PADI2: variants seen among roughly 807,000 people sequenced by gnomAD.
PADI2 encodes peptidyl arginine deiminase 2.
PADI2 carries 70 observed loss-of-function variants against 81.1 expected under a neutral mutation model. That is an observed-to-expected ratio of 0.86 (90% CI 0.71 to 1.05). The LOEUF (loss-of-function observed/expected upper bound fraction) is 1.05, where lower values mean the gene tolerates loss of function less well. PADI2 is among the 50% of genes least tolerant of loss of function. The pLI, the probability that PADI2 is intolerant of heterozygous loss-of-function variation, is 0.00. For missense variants in PADI2, 853 were observed against 889.9 expected (o/e 0.96, Z 0.53); for synonymous variants, 338 against 358.0 (o/e 0.94, Z 0.63).
In PADI2 at chr1:17,084,678, T is replaced by G. The variant is rs977382082; in HGVS notation, c.859A>C (p.Thr287Pro). The G allele has an allele frequency of 6.4e-7, 1 of 1,561,572 alleles. No individual in the cohort carries two copies. Among genetic ancestry groups the G allele is most frequent in the South Asian group, 1.2e-5 (1 of 84,594 alleles). ...GCAATCCGGAATATCACGGTGTCCG[T>G]GAAGATGGGAGTCAGGGGAATGTCC... Reference protein sequence around the residue: ...AQDIPLTPIFTDTVIFRIAPW... With the variant: ...AQDIPLTPIFPDTVIFRIAPW... The change falls in exon 8 of 16, where the codon ACG (threonine) becomes CCG (proline). Residue 287 changes from threonine to proline, a missense_variant. Physicochemically the swap from Thr to Pro is conservative, Grantham distance 38. Coordinates refer to ENST00000375486, the MANE Select transcript of PADI2 (RefSeq NM_007365.3).
At chr1:17,102,390 G>C (rs1013166125) in intron 3 of PADI2, among the ~76,000 whole-genome samples, 6 of 152,202 alleles carry the variant, frequency 3.9e-5, no homozygotes, top group African/African-American at 1.4e-4. Context: ...ATGCAATGGA[G>C]AGAACCTGAG....
intron 12 of PADI2, 32 bp downstream of exon 12, chr1:17,075,647 C>G: frequency 1.3e-6 from 2 of 1,594,556 alleles, no homozygotes; most frequent in Non-Finnish European, 1.7e-6. Flanking sequence ...TGCTGCTACC[C>G]CATTCACTCC....
At chr1:17,100,323 C>T (rs1301751748) in intron 3 of PADI2, among the ~76,000 whole-genome samples, 55 of 152,174 alleles carry the variant, frequency 3.6e-4, no homozygotes, top group Admixed American at 1.2e-3. Context: ...CTCATTCTGT[C>T]GCCGAGGCTG....
At chr1:17,071,564 C>A in intron 13 of PADI2, 73 bp from the exon 14 acceptor site, 1 of 1,209,950 alleles carries the variant, frequency 8.3e-7, no homozygotes, top group South Asian at 1.2e-5. Flanking sequence ...TTGCCAAGAT[C>A]CTCCAGGCCT....
Position 17,074,863 on chromosome 1 carries a change from C to A in PADI2, c.1542G>T (p.Met514Ile), listed in dbSNP as rs768748616. Reference protein sequence around the residue: ...KQKDGHGEAIMFKGLGGMSSK... With the variant: ...KQKDGHGEAIIFKGLGGMSSK... Reference sequence around the variant, plus strand: ...GGCCCTGTGGCCACTCACCTTTGAACATGATGGCCTCTCCATGGCCGTCCT... The same window carrying A: ...GGCCCTGTGGCCACTCACCTTTGAAAATGATGGCCTCTCCATGGCCGTCCT... Residue 514 changes from methionine to isoleucine, a missense_variant, in exon 13 of 16, where the codon ATG (methionine) becomes ATT (isoleucine). Coordinates refer to ENST00000375486, the MANE Select transcript of PADI2 (RefSeq NM_007365.3). 1.2e-5 allele frequency: 20 copies of A among 1,608,760 alleles called. 1 individual carries two copies. The highest frequency in any genetic ancestry group is 1.5e-5 in the Non-Finnish European group (18 of 1,176,178).
chr1:17,070,760 C>G (rs2078259714), intron 14 of PADI2, among the ~76,000 whole-genome samples: 1 of 152,052 alleles, frequency 6.6e-6, no homozygotes, highest in South Asian at 2.1e-4. Context: ...TTCCTGGGTT[C>G]AAGTGATTCT....
At chr1:17,073,063 T>A (rs1323913730) in intron 13 of PADI2, among the ~76,000 whole-genome samples, 2 of 152,140 alleles carry the variant, frequency 1.3e-5, no homozygotes, top group African/African-American at 4.8e-5. Context: ...CTGCGGGAAC[T>A]CAGGCTTTCA....
intron 3 of PADI2, 135 bp downstream of exon 3, chr1:17,102,852 C>G (rs1250675681): frequency 3.0e-6 from 2 of 664,776 alleles, no homozygotes; most frequent in Non-Finnish European, 2.7e-6. Context: ...CATCCCTCCC[C>G]AGGCCTGTGC....
Position 17,095,944 on chromosome 1 carries a change from G to A in PADI2, c.376C>T (p.Arg126Trp), listed in dbSNP as rs750267958. Residue 126 changes from arginine to tryptophan, a missense_variant, in exon 4 of 16, where the codon CGG (arginine) becomes TGG (tryptophan). Arg to Trp is a moderately radical substitution (Grantham distance 101). Transcript: ENST00000375486. ...TTGTTCTTCTCCACCACACCATCCC[G>A]GTCTGCGTCCACATCCAGGGAGATC... ...IEISLDVDAD[R>W]DGVVEKNNPK... 49 of 1,607,906 alleles carry A rather than the reference G, an allele frequency of 3.0e-5. No individual in the cohort carries two copies. Among genetic ancestry groups the A allele is most frequent in the Non-Finnish European group, 3.8e-5 (45 of 1,177,230 alleles).
chr1:17,104,711 G>C (rs913213491), intron 2 of PADI2, among the ~76,000 whole-genome samples, 167 bp downstream of exon 2: 3 of 152,164 alleles, frequency 2.0e-5, no homozygotes, highest in Non-Finnish European at 4.4e-5. Context: ...GGGATTACAG[G>C]CTTGAGCTAC....
chr1:17,090,483 C>A (rs1354201691), intron 6 of PADI2, among the ~76,000 whole-genome samples: 1 of 152,174 alleles, frequency 6.6e-6, no homozygotes, highest in East Asian at 1.9e-4. Flanking sequence ...CTGACATTCG[C>A]TCATCCACAG....
intron 7 of PADI2, among the ~76,000 whole-genome samples, chr1:17,085,524 T>C (rs932058947): frequency 6.6e-6 from 1 of 152,168 alleles, no homozygotes; most frequent in African/African-American, 2.4e-5. Context: ...AGCTTGAGGG[T>C]GCTTTGTAAG....
At chr1:17,078,200 C>T (rs974732453) in intron 11 of PADI2, among the ~76,000 whole-genome samples, 3 of 152,158 alleles carry the variant, frequency 2.0e-5, no homozygotes, top group African/African-American at 4.8e-5. Context: ...CAACCTCTGC[C>T]TCCTGAGTTC....
chr1:17,072,349 A>G (rs905656080), intron 13 of PADI2, among the ~76,000 whole-genome samples: 1 of 152,230 alleles, frequency 6.6e-6, no homozygotes, highest in African/African-American at 2.4e-5. Context: ...GGGACTCAGA[A>G]GGGAGGGTCC....
rs539139414 is a variant in PADI2, at chr1:17,115,750, T to C, written c.92+3530A>G. Among the ~76,000 whole-genome samples the C allele has an allele frequency of 2.6e-5, 4 of 152,234 alleles. No homozygotes were observed. Among genetic ancestry groups the C allele is most frequent in the African/African-American group, 9.6e-5 (4 of 41,554 alleles). On this transcript the variant is annotated intron_variant, in intron 1 of 15. Coordinates refer to ENST00000375486, the MANE Select transcript of PADI2 (RefSeq NM_007365.3). This position sits in a 1 kb window ranked among gnomAD's most constrained non-coding sequence, Gnocchi z 4.1. Reference sequence around the variant, plus strand: ...CGGCTAAAGGGACCACCGGAGGAGATTGTGTGGGCCAGGTGTACCTGTGCC... The same window carrying C: ...CGGCTAAAGGGACCACCGGAGGAGACTGTGTGGGCCAGGTGTACCTGTGCC...
chr1:17,075,946 A>T, intron 11 of PADI2, 123 bp from the exon 12 acceptor site: 1 of 881,204 alleles, frequency 1.1e-6, no homozygotes. Context: ...AGTCCCAGGA[A>T]GGAGACTAGG....
intron 2 of PADI2, among the ~76,000 whole-genome samples, chr1:17,104,100 G>T (rs1277981254): frequency 1.3e-5 from 2 of 149,824 alleles, no homozygotes; most frequent in Non-Finnish European, 3.0e-5. Context: ...GGCTAACACG[G>T]TGAAACCCCA....
intron 3 of PADI2, among the ~76,000 whole-genome samples, chr1:17,099,993 A>G (rs1031932070): frequency 6.6e-6 from 1 of 151,958 alleles, no homozygotes; most frequent in African/African-American, 2.4e-5. Context: ...AGAGAGATTC[A>G]GATACATTTT....
At chr1:17,072,551 A>T (rs2078271798) in intron 13 of PADI2, among the ~76,000 whole-genome samples, 1 of 152,060 alleles carries the variant, frequency 6.6e-6, no homozygotes, top group Admixed American at 6.6e-5. Context: ...TGCCTGGTTC[A>T]CCTTCCTCCC....
Sources: allele counts gnomAD v4.1 joint callset (sites outside exome capture counted in the v4.1 genomes callset), GRCh38; gene constraint gnomAD v4.1.1; non-coding constraint Gnocchi (gnomAD v3.1); transcripts MANE v1.5; gene names NCBI Gene and HGNC (gene_info 2026-07-23, HGNC 2026-07-21).